Variants in RHEX observed in about 807,000 individuals in gnomAD.
The protein encoded by RHEX is regulator of hemoglobinization and erythroid cell expansion protein.
In RHEX, 18 loss-of-function variants were observed where a neutral mutation model predicts 20.1. That is an observed-to-expected ratio of 0.90 (90% CI 0.62 to 1.33). The LOEUF (loss-of-function observed/expected upper bound fraction) is 1.33. Among genes scored for constraint, RHEX ranks in the 40% most tolerant of loss-of-function variants. RHEX has a pLI of 0.00. For synonymous variants in RHEX, 87 were observed against 77.1 expected, an observed-to-expected ratio of 1.13 and a Z score of -0.67; for missense variants, 192 against 214.3, an observed-to-expected ratio of 0.90 and a Z score of 0.65.
At chr1:206,075,915 A>G (rs1662627173) in intron 1 of RHEX, among the ~76,000 whole-genome samples, 1 of 152,108 alleles carries the variant, frequency 6.6e-6, no homozygotes, top group Admixed American at 6.5e-5. Flanking sequence ...CAAGTCTTTA[A>G]TGCTGATGAA....
intron 1 of RHEX, among the ~76,000 whole-genome samples, chr1:206,077,218 C>T (rs1662650895): frequency 6.6e-6 from 1 of 151,820 alleles, no homozygotes; most frequent in Non-Finnish European, 1.5e-5. Flanking sequence ...TGATGGTGAG[C>T]CGGTGATGAC....
intron 1 of RHEX, among the ~76,000 whole-genome samples, chr1:206,063,582 C>T (rs962430574): frequency 8.5e-5 from 13 of 152,336 alleles, no homozygotes; most frequent in East Asian, 5.8e-4. Context: ...TTGGTGGAGA[C>T]GGGGTTTCGC....
chr1:206,100,669 C>T (rs910588313), intron 4 of RHEX, among the ~76,000 whole-genome samples: 13 of 152,032 alleles, frequency 8.6e-5, no homozygotes, highest in African/African-American at 1.9e-4. Flanking sequence ...TTGGGGGTGA[C>T]GAAAACCAGG....
chr1:206,092,074 T>TC (rs575055118), intron 1 of RHEX, among the ~76,000 whole-genome samples: 1 of 140,032 alleles, frequency 7.1e-6, no homozygotes. Flanking sequence ...TTCTCTCTCT[T>TC]TCTTTCTTTC....
chr1:206,083,772 G>A (rs1468368062), intron 1 of RHEX: 4 of 378,456 alleles, frequency 1.1e-5, no homozygotes, highest in South Asian at 1.1e-4. Context: ...TCCAGGGTGC[G>A]GAATTCCACT....
At chr1:206,086,405 G>A (rs990236515) in intron 1 of RHEX, among the ~76,000 whole-genome samples, 1 of 151,812 alleles carries the variant, frequency 6.6e-6, no homozygotes, top group Non-Finnish European at 1.5e-5. Context: ...CTTGTCTCAA[G>A]CTCCTGAGCT....
chr1:206,075,464 G>A (rs868926116), intron 1 of RHEX, among the ~76,000 whole-genome samples: 2 of 152,148 alleles, frequency 1.3e-5, no homozygotes, highest in African/African-American at 4.8e-5. Flanking sequence ...TCAACAGGCT[G>A]GCGGCAGAAA....
chr1:206,096,078 C>T (rs377051107), intron 1 of RHEX, among the ~76,000 whole-genome samples: 3 of 152,298 alleles, frequency 2.0e-5, no homozygotes. Context: ...AATCCACCTG[C>T]ATCGGCCTCC....
At chr1:206,098,755 T>C (rs1198274399) in intron 3 of RHEX, among the ~76,000 whole-genome samples, 3 of 152,184 alleles carry the variant, frequency 2.0e-5, no homozygotes, top group African/African-American at 4.8e-5. Flanking sequence ...CATTCATTTG[T>C]TCATTCATTC....
At chr1:206,056,652 C>G (rs1299069150) in intron 1 of RHEX, among the ~76,000 whole-genome samples, 1 of 152,228 alleles carries the variant, frequency 6.6e-6, no homozygotes, top group African/African-American at 2.4e-5. Flanking sequence ...CAATTAAGGA[C>G]TGGTCCTTTT....
At chr1:206,069,009 G>C (rs1243201255) in intron 1 of RHEX, among the ~76,000 whole-genome samples, 2 of 152,170 alleles carry the variant, frequency 1.3e-5, no homozygotes, top group Non-Finnish European at 2.9e-5. Context: ...TGGCAAATGG[G>C]ATGGTTATGC....
intron 1 of RHEX, among the ~76,000 whole-genome samples, chr1:206,087,979 G>C (rs1176655330): frequency 1.3e-5 from 2 of 152,108 alleles, no homozygotes; most frequent in African/African-American, 4.8e-5. Context: ...AAAAAAATAG[G>C]CCGGGTGCAG....
At chr1:206,061,236 G>A (rs1553283292) in intron 1 of RHEX, 13 of 152,210 alleles carry the variant, frequency 8.5e-5, no homozygotes. Context: ...AATGGGCTGA[G>A]TGTGGTGGAT....
rs973421612 is a variant in RHEX, at chr1:206,077,509, C to G, written c.-96-20224C>G. 2.6e-5 allele frequency among the ~76,000 whole-genome samples: 4 copies of G among 152,098 alleles called. 1 individual carries two copies. The South Asian group carries it at 8.3e-4, about 32-fold the overall frequency. Reference sequence around the variant, plus strand: ...TGGTGAGGCTGGGTGTGGTGGCTCACATCTGTAATCCCAGAACTTTGGGAG... The same window carrying G: ...TGGTGAGGCTGGGTGTGGTGGCTCAGATCTGTAATCCCAGAACTTTGGGAG... On this transcript the variant is annotated intron_variant, in intron 1 of 5. Coordinates refer to ENST00000331555, the MANE Select transcript of RHEX (RefSeq NM_001007544.4).
At chr1:206,064,189 C>G (rs1182267008) in intron 1 of RHEX, among the ~76,000 whole-genome samples, 1 of 144,392 alleles carries the variant, frequency 6.9e-6, no homozygotes, top group Non-Finnish European at 1.5e-5. Flanking sequence ...GGAGCCTCTC[C>G]GCCCGGCAGC....
At chr1:206,064,194 G>A (rs1203024765) in intron 1 of RHEX, among the ~76,000 whole-genome samples, 1 of 142,890 alleles carries the variant, frequency 7.0e-6, no homozygotes. Context: ...CTCTCCGCCC[G>A]GCAGCCGCCC....
intron 1 of RHEX, chr1:206,060,958 T>C (rs558727407): frequency 3.9e-5 from 6 of 152,198 alleles, no homozygotes; most frequent in Non-Finnish European, 5.9e-5. Flanking sequence ...GAGGGTAATA[T>C]GAAGGAGATA....
intron 1 of RHEX, among the ~76,000 whole-genome samples, chr1:206,087,582 C>T (rs1553286532): frequency 6.6e-6 from 1 of 152,170 alleles, no homozygotes; most frequent in African/African-American, 2.4e-5. Flanking sequence ...TCCTTCACAC[C>T]ATCAAGAGTA....
At position 206,097,822 on chromosome 1, in the gene RHEX, G is replaced by A. The variant is rs1169080319; in HGVS notation, c.-7G>A. ...CTGAGCCCCAACTTATCAGCAAGGA[G>A]CTCATCATGCTGACAGAGTGAGTGG... On this transcript the variant is annotated 5_prime_UTR_variant, in exon 2 of 6. Transcript: ENST00000331555. 5 of 1,612,962 alleles carry A rather than the reference G, an allele frequency of 3.1e-6. No homozygotes were observed. The highest frequency in any genetic ancestry group is 2.7e-5 in the African/African-American group (2 of 74,918).
Sources: allele counts gnomAD v4.1 joint callset (sites outside exome capture counted in the v4.1 genomes callset), GRCh38; gene constraint gnomAD v4.1.1; transcripts MANE v1.5; gene names NCBI Gene and HGNC (gene_info 2026-07-23, HGNC 2026-07-21).